The following PGM2L1 variants were observed in gnomAD, a reference collection of about 807,000 sequenced individuals.
The protein encoded by PGM2L1 is phosphoglucomutase 2 like 1.
Under a neutral mutation model 73.4 loss-of-function variants are expected in PGM2L1, and 35 were observed. That is an observed-to-expected ratio of 0.48 (90% CI 0.36 to 0.63). PGM2L1 has a LOEUF of 0.63. PGM2L1 is among the 30% of genes least tolerant of loss of function. PGM2L1 has a pLI of 0.00. For synonymous variants in PGM2L1, 225 were observed against 253.8 expected, an observed-to-expected ratio of 0.89 and a Z score of 1.08; for missense variants, 570 against 742.0, an observed-to-expected ratio of 0.77 and a Z score of 2.69.
At chr11:74,360,015 A>G (rs546215508) in intron 5 of PGM2L1, among the ~76,000 whole-genome samples, 18 of 152,258 alleles carry the variant, frequency 1.2e-4, no homozygotes, top group Admixed American at 3.3e-4. Context: ...AATAAATAAG[A>G]TAACTCATCA....
chr11:74,396,180 G>A (rs1258383035), intron 1 of PGM2L1, among the ~76,000 whole-genome samples: 1 of 151,472 alleles, frequency 6.6e-6, no homozygotes, highest in African/African-American at 2.4e-5. Flanking sequence ...GATCACTTGA[G>A]CCCAGGAGTT....
chr11:74,397,887 G>A (rs1349542567), intron 1 of PGM2L1, 164 bp downstream of exon 1: 25 of 1,264,306 alleles, frequency 2.0e-5, no homozygotes, highest in Admixed American at 3.4e-5. Flanking sequence ...GCAGTCCGAA[G>A]GAGCAACCCC....
intron 1 of PGM2L1, among the ~76,000 whole-genome samples, chr11:74,377,203 C>G (rs752877013): frequency 6.6e-6 from 1 of 150,786 alleles, no homozygotes; most frequent in Non-Finnish European, 1.5e-5. Context: ...GGCGCGATCT[C>G]GGCTCACTGC....
rs755783123 is a variant in PGM2L1 at position 74,345,577 on chromosome 11, CT to C, written c.1109del (p.Lys370ArgfsTer10). On this transcript the variant is annotated frameshift_variant, in exon 9 of 14. Transcript: ENST00000298198. LOFTEE classifies it high-confidence loss of function. ...CATCAGCATTTCTTGATTTATTTTTCTTCCAGCAATCAAACATCCACCATCC... is the reference window on the plus strand; with the variant it reads ...CATCAGCATTTCTTGATTTATTTTTCTCCAGCAATCAAACATCCACCATCC... ...LFGWWMFDCW[K>X]KNKSRNADVK... 1.2e-6 allele frequency: 2 copies of C among 1,613,608 alleles called. No homozygotes were observed. Among genetic ancestry groups the C allele is most frequent in the Non-Finnish European group, 1.7e-6 (2 of 1,179,802 alleles).
intron 1 of PGM2L1, among the ~76,000 whole-genome samples, chr11:74,379,818 G>A (rs537252513): frequency 1.8e-4 from 27 of 152,056 alleles, no homozygotes; most frequent in Admixed American, 5.9e-4. Context: ...CCAGCTATTC[G>A]GGAGGCTGAA....
rs1381864459 is a variant in PGM2L1, at chr11:74,335,824, C to T, written c.*828G>A. On this transcript the variant is annotated 3_prime_UTR_variant, in exon 14 of 14. Coordinates refer to ENST00000298198, the MANE Select transcript of PGM2L1 (RefSeq NM_173582.6). Reference sequence around the variant, plus strand: ...TAAGATTTTAAAATCAGCAAACTCACTTGATATAGAGGAAGCACCTACAGA... The same window carrying T: ...TAAGATTTTAAAATCAGCAAACTCATTTGATATAGAGGAAGCACCTACAGA... 6.6e-6 allele frequency: 1 copy of T among 152,600 alleles called. No individual in the cohort carries two copies. Among genetic ancestry groups the T allele is most frequent in the Non-Finnish European group, 1.5e-5 (1 of 68,034 alleles). 9.5% of individuals were successfully genotyped at this position (152,600 alleles called of 1,614,324 possible).
rs1188621363 is a variant in PGM2L1 at position 74,338,569 on chromosome 11, A to G, written c.1665T>C (p.Ile555=). The G allele has an allele frequency of 6.2e-7, 1 of 1,606,338 alleles. No homozygotes were observed. Among genetic ancestry groups the G allele is most frequent in the South Asian group, 1.1e-5 (1 of 90,382 alleles). ...CACAGCCATTTTGAAAAGTAAATGT[A>G]ATCATTTGGCTGTTTTTACTCACAG... ...VLPVSKNSQM[I]TFTFQNGCVA... is the part of the protein sequence containing the mutation. The change falls in exon 13 of 14, where the codon ATT becomes ATC. Residue 555 remains isoleucine (I), a synonymous_variant. Coordinates refer to ENST00000298198, the MANE Select transcript of PGM2L1 (RefSeq NM_173582.6).
chr11:74,350,279 A>G (rs1862329453), intron 6 of PGM2L1, among the ~76,000 whole-genome samples: 1 of 152,214 alleles, frequency 6.6e-6, no homozygotes, highest in African/African-American at 2.4e-5. Context: ...GGATAGGAAA[A>G]ATACACTCAG....
At chr11:74,396,478 G>A (rs1038001235) in intron 1 of PGM2L1, among the ~76,000 whole-genome samples, 2 of 151,078 alleles carry the variant, frequency 1.3e-5, no homozygotes, top group Admixed American at 6.6e-5. Flanking sequence ...GCAGTGGCGC[G>A]ATCTCCGCTC....
In PGM2L1 at chr11:74,368,502, T is replaced by C. The variant is rs1862696929; in HGVS notation, c.545A>G (p.Asn182Ser). ...GAGTCCAAGGTTTACCTTGTATCCA[T>C]TGTCTTCCTTGCGGTTGTGAGAGGC... ...ITASHNRKED[N>S]GYKVYWETGA... Residue 182 changes from asparagine to serine, a missense_variant, in exon 5 of 14, where the codon AAT becomes AGT. Asn to Ser is a conservative substitution (Grantham distance 46). Transcript: ENST00000298198. 1 of 1,612,406 alleles carries C rather than the reference T, an allele frequency of 6.2e-7. No homozygotes were observed. Among genetic ancestry groups the C allele is most frequent in the Non-Finnish European group, 8.5e-7 (1 of 1,178,492 alleles).
Position 74,352,258 on chromosome 11 carries a change from A to G in PGM2L1, c.556-682T>C, listed in dbSNP as rs913669847. ...AACTATCTACTAAAGATAATCCAAG[A>G]AACCACAGACTATTCCCTAAAACTT... On this transcript the variant is annotated intron_variant, in intron 5 of 13. Coordinates refer to ENST00000298198, the MANE Select transcript of PGM2L1 (RefSeq NM_173582.6). Among the ~76,000 whole-genome samples, 3 of 152,278 alleles carry G rather than the reference A, an allele frequency of 2.0e-5. No homozygotes were observed. The South Asian group carries it at 6.2e-4, about 32-fold the overall frequency.
rs1200176408 is a variant in PGM2L1 at position 74,338,584 on chromosome 11, T to G, written c.1650A>C (p.Lys550Asn). 1 of 1,602,144 alleles carries G rather than the reference T, an allele frequency of 6.2e-7. No homozygotes were observed. The highest frequency in any genetic ancestry group is 1.3e-5 in the African/African-American group (1 of 74,850). The change falls in exon 13 of 14, where the codon AAA becomes AAC. Residue 550 changes from lysine to asparagine, a missense_variant. By Grantham distance (94) the Lys-to-Asn change is moderately conservative (BLOSUM62 0). Coordinates refer to ENST00000298198, the MANE Select transcript of PGM2L1 (RefSeq NM_173582.6). Reference protein sequence around the residue: ...PNKKSVLPVSKNSQMITFTFQ... With the variant: ...PNKKSVLPVSNNSQMITFTFQ... ...AAGTAAATGTAATCATTTGGCTGTT[T>G]TTACTCACAGGCAGCACCTATGCAA...
At chr11:74,383,444 CTTAT>C (rs1169654483) in intron 1 of PGM2L1, among the ~76,000 whole-genome samples, 7 of 152,114 alleles carry the variant, frequency 4.6e-5, no homozygotes, top group South Asian at 2.1e-4. Flanking sequence ...ACCCCAAACT[CTTAT>C]TTATTTAAAA....
At position 74,370,965 on chromosome 11, in the gene PGM2L1, T is replaced by A; in HGVS notation, c.408A>T (p.Ala136=). ...CAGGAACATCTTTGGCCAGCAAGAC[T>A]GCAGCAGTGAGTTTAGCAAGCCTAA... ...SSQRLAKLTA[A]VLLAKDVPVY... Residue 136 remains alanine (A), a synonymous_variant, in exon 4 of 14, where the codon GCA becomes GCT. Transcript: ENST00000298198. The A allele has an allele frequency of 6.2e-7, 1 of 1,612,928 alleles. No homozygotes were observed. Among genetic ancestry groups the A allele is most frequent in the Non-Finnish European group, 8.5e-7 (1 of 1,179,168 alleles).
chr11:74,354,966 T>G (rs1187497692), intron 5 of PGM2L1: 3 of 1,018,352 alleles, frequency 2.9e-6, no homozygotes, highest in African/African-American at 1.6e-5. Context: ...TGGCCACAAC[T>G]GTGAAGTCAG....
chr11:74,395,428 C>T (rs1863157239), intron 1 of PGM2L1, among the ~76,000 whole-genome samples: 2 of 151,992 alleles, frequency 1.3e-5, no homozygotes, highest in Admixed American at 6.6e-5. Flanking sequence ...ACTCTGTCAT[C>T]CAGGCTGGAG....
At chr11:74,341,967 G>C (rs924471829) in intron 12 of PGM2L1, among the ~76,000 whole-genome samples, 2 of 152,044 alleles carry the variant, frequency 1.3e-5, no homozygotes, top group Admixed American at 6.6e-5. Context: ...GGTGTTGGTG[G>C]GAGTGTCTTT....
chr11:74,343,507 T>C (rs1487840807), intron 9 of PGM2L1, 91 bp from the exon 10 acceptor site: 2 of 1,526,596 alleles, frequency 1.3e-6, no homozygotes, highest in East Asian at 2.4e-5. Context: ...ACAACGTTCA[T>C]ATAATGATCC....
rs1862351593 is a variant in PGM2L1, at chr11:74,351,440, G to A, written c.692C>T (p.Pro231Leu). 2 of 1,614,016 alleles carry A rather than the reference G, an allele frequency of 1.2e-6. No homozygotes were observed. The highest frequency in any genetic ancestry group is 2.2e-5 in the East Asian group (1 of 44,864). Residue 231 changes from proline (P) to leucine (L), a missense_variant, in exon 6 of 14, where the codon CCT becomes CTT. By Grantham distance (98) the Pro-to-Leu change is moderately conservative. Transcript: ENST00000298198. ...GTATCTCCTGCAAATGTCCTGCAGA[G>A]GGTCTCTCTTCAGCGGGCTGGTATC... The part of the protein sequence containing the change: ...LVDTSPLKRD[P>L]LQDICRRYME...
Sources: allele counts gnomAD v4.1 joint callset (sites outside exome capture counted in the v4.1 genomes callset), GRCh38; gene constraint gnomAD v4.1.1; transcripts MANE v1.5; gene names NCBI Gene and HGNC (gene_info 2026-07-23, HGNC 2026-07-21).